The following FGF14 variants were observed in gnomAD, a reference collection of about 807,000 sequenced individuals.
The protein encoded by FGF14 is fibroblast growth factor homologous factor 4.
In FGF14, 5 loss-of-function variants were observed where a neutral mutation model predicts 25.5. The ratio of observed to expected loss-of-function variants is 0.20; its 90% CI spans 0.10 to 0.41. The LOEUF is 0.41. Among genes scored for constraint, FGF14 ranks in the 10% least tolerant of loss-of-function variants. The probability of loss-of-function intolerance (pLI) is 1.00; values close to 1 mark genes in which losing one functional copy is unlikely to be tolerated. For missense variants in FGF14, 222 were observed against 320.1 expected (o/e 0.69, Z 2.34); for synonymous variants, 138 against 118.3 (o/e 1.17, Z -1.08).
chr13:102,150,295 GTTT>G (rs58266375), intron 1 of FGF14, among the ~76,000 whole-genome samples: 1 of 148,404 alleles, frequency 6.7e-6, no homozygotes, highest in African/African-American at 2.5e-5. Flanking sequence ...GTGTTTTTAG[GTTT>G]TTTTTTTTTC....
chr13:102,233,187 T>C (rs552424718), intron 1 of FGF14, among the ~76,000 whole-genome samples: 1 of 152,290 alleles, frequency 6.6e-6, no homozygotes, highest in South Asian at 2.1e-4. Context: ...CAGGCTAGAG[T>C]GCAGTAGCAT....
chr13:102,032,060 C>T (rs575169578), intron 1 of FGF14, among the ~76,000 whole-genome samples: 1 of 152,174 alleles, frequency 6.6e-6, no homozygotes, highest in Admixed American at 6.5e-5. Context: ...ATATGCTGCT[C>T]TTGATATTCA....
At chr13:102,247,419 T>C (rs1324372149) in intron 1 of FGF14, among the ~76,000 whole-genome samples, 1 of 151,220 alleles carries the variant, frequency 6.6e-6, no homozygotes, top group Non-Finnish European at 1.5e-5. Context: ...TAAAAACAAG[T>C]GGGCAAAGAA....
intron 1 of FGF14, among the ~76,000 whole-genome samples, chr13:102,160,051 T>G (rs555732213): frequency 6.6e-6 from 1 of 152,326 alleles, no homozygotes; most frequent in Admixed American, 6.5e-5. Flanking sequence ...GGCTGTCTCC[T>G]CTCTGCACGG....
At chr13:102,247,422 G>T (rs893058574) in intron 1 of FGF14, among the ~76,000 whole-genome samples, 1 of 151,778 alleles carries the variant, frequency 6.6e-6, no homozygotes, top group Non-Finnish European at 1.5e-5. Flanking sequence ...AAACAAGTGG[G>T]CAAAGAACAT....
At chr13:102,101,754 G>T (rs2044674143) in intron 1 of FGF14, among the ~76,000 whole-genome samples, 2 of 151,966 alleles carry the variant, frequency 1.3e-5, no homozygotes, top group Admixed American at 1.3e-4. Flanking sequence ...GCCCAGGCTG[G>T]AGTACAGTGG....
intron 1 of FGF14, among the ~76,000 whole-genome samples, chr13:102,008,213 G>C (rs534885559): frequency 6.6e-6 from 1 of 152,312 alleles, no homozygotes; most frequent in African/African-American, 2.4e-5. Context: ...TGGGCTGCTA[G>C]AGACTGGCAC....
At chr13:102,335,791 G>A (rs911247194) in intron 1 of FGF14, among the ~76,000 whole-genome samples, 5 of 152,134 alleles carry the variant, frequency 3.3e-5, no homozygotes, top group South Asian at 2.1e-4. Flanking sequence ...CTGTGTCTCT[G>A]TGTCACATTC....
At chr13:101,895,514 G>A (rs2030507614) in intron 1 of FGF14, among the ~76,000 whole-genome samples, 10 of 152,076 alleles carry the variant, frequency 6.6e-5, no homozygotes, top group Admixed American at 6.6e-4. Flanking sequence ...GTAACATGTT[G>A]TCTCACACTA....
intron 1 of FGF14, among the ~76,000 whole-genome samples, chr13:102,270,959 C>A (rs890081595): frequency 1.3e-5 from 2 of 152,114 alleles, no homozygotes; most frequent in Non-Finnish European, 2.9e-5. Context: ...TATTTCCTTG[C>A]TTATGCTGTT....
At chr13:101,779,642 A>G (rs1214548579) in intron 3 of FGF14, among the ~76,000 whole-genome samples, 11 of 152,248 alleles carry the variant, frequency 7.2e-5, no homozygotes, top group Admixed American at 7.2e-4. Flanking sequence ...ATGCATTTGC[A>G]TACATCTAAT....
intron 1 of FGF14, among the ~76,000 whole-genome samples, chr13:101,877,223 A>G (rs1054589535): frequency 6.6e-6 from 1 of 152,176 alleles, no homozygotes; most frequent in African/African-American, 2.4e-5. Context: ...AGGGAGCACA[A>G]ATAAAATGTA....
chr13:102,305,905 A>C (rs961318453), intron 1 of FGF14, among the ~76,000 whole-genome samples: 24 of 152,212 alleles, frequency 1.6e-4, no homozygotes, highest in African/African-American at 5.8e-4. Context: ...AATTGAAGAC[A>C]ACAGACATGA....
At chr13:102,196,182 G>A (rs995460263) in intron 1 of FGF14, among the ~76,000 whole-genome samples, 7 of 152,182 alleles carry the variant, frequency 4.6e-5, no homozygotes, top group African/African-American at 7.2e-5. Context: ...ATTTACAGCC[G>A]TGACAATCGT....
intron 3 of FGF14, among the ~76,000 whole-genome samples, chr13:101,861,117 A>G (rs369490893): frequency 6.6e-6 from 1 of 152,176 alleles, no homozygotes; most frequent in Non-Finnish European, 1.5e-5. Context: ...CTGACCCAGC[A>G]TATTCATCTT....
At chr13:101,829,220 G>T (rs906201743) in intron 3 of FGF14, among the ~76,000 whole-genome samples, 1 of 152,068 alleles carries the variant, frequency 6.6e-6, no homozygotes, top group Non-Finnish European at 1.5e-5. Flanking sequence ...AGCTATTCTG[G>T]TTATTAGACA....
At chr13:102,148,739 C>T (rs963171240) in intron 1 of FGF14, among the ~76,000 whole-genome samples, 11 of 152,070 alleles carry the variant, frequency 7.2e-5, no homozygotes, top group Non-Finnish European at 1.3e-4. Flanking sequence ...TGCAGTGAGC[C>T]GAGATCGCAC....
At chr13:101,823,090 G>A (rs2042234177) in intron 3 of FGF14, among the ~76,000 whole-genome samples, 1 of 152,018 alleles carries the variant, frequency 6.6e-6, no homozygotes, top group Non-Finnish European at 1.5e-5. Flanking sequence ...TGCTAATTTT[G>A]TGTATACATT....
At chr13:102,364,788 C>T (rs752371309) in intron 1 of FGF14, among the ~76,000 whole-genome samples, 35 of 152,184 alleles carry the variant, frequency 2.3e-4, no homozygotes, top group Non-Finnish European at 5.9e-5. Context: ...CCATTCAGTT[C>T]CTCTGCAGTT....
Sources: allele counts gnomAD v4.1 joint callset (sites outside exome capture counted in the v4.1 genomes callset), GRCh38; gene constraint gnomAD v4.1.1; transcripts MANE v1.5; gene names NCBI Gene and HGNC (gene_info 2026-07-23, HGNC 2026-07-21).